The following NFATC1 variants were observed in gnomAD, a reference collection of about 807,000 sequenced individuals.
NFATC1 encodes the protein nuclear factor of activated T cells 1.
A neutral mutation model predicts 76.0 loss-of-function variants in NFATC1; 22 were observed. The ratio of observed to expected loss-of-function variants is 0.29; its 90% CI spans 0.21 to 0.41. The LOEUF is 0.41. NFATC1 is among the 10% of genes least tolerant of loss of function. The pLI is 1.00. For missense variants in NFATC1, 1,357 were observed against 1,337.7 expected (o/e 1.01, Z -0.23); for synonymous variants, 704 against 613.1 (o/e 1.15, Z -2.19).
chr18:79,419,983 C>A (rs2086016215), intron 2 of NFATC1, among the ~76,000 whole-genome samples: 1 of 152,230 alleles, frequency 6.6e-6, no homozygotes, highest in Admixed American at 6.5e-5. Flanking sequence ...TCTAGAACAT[C>A]TCTGGAAGCT....
intron 8 of NFATC1, chr18:79,470,495 G>C (rs1008294560): frequency 6.6e-6 from 1 of 152,242 alleles, no homozygotes; most frequent in African/African-American, 2.4e-5. Context: ...GTACATGTTT[G>C]TAAAGTCAAG....
intron 9 of NFATC1, among the ~76,000 whole-genome samples, chr18:79,506,799 T>C (rs902456927): frequency 6.6e-6 from 1 of 152,204 alleles, no homozygotes; most frequent in African/African-American, 2.4e-5. Flanking sequence ...GGCTTCTGGG[T>C]GGTTCTGTGT....
chr18:79,396,344 G>T lies in NFATC1; in HGVS notation c.120G>T (p.Ala40=). ...GCGCCGGCGGCACCATGAAGTCAGC[G>T]GAGGAAGGTAAGCCCCGCGCGGCCT... is the stretch of plus-strand genomic sequence containing the variant. ...APRAGGTMKS[A]EEEHYGYASS... The change falls in exon 1 of 10, where the codon GCG becomes GCT. Residue 40 remains alanine, a synonymous_variant. Transcript: ENST00000427363. 7.2e-7 allele frequency: 1 copy of T among 1,381,160 alleles called. No homozygotes were observed. Among genetic ancestry groups the T allele is most frequent in the Non-Finnish European group, 9.5e-7 (1 of 1,050,516 alleles). The allele number at this position is 1,381,160 out of a possible 1,614,324, so 85.6% of individuals were successfully genotyped here.
At chr18:79,434,866 T>C (rs1339195361) in intron 3 of NFATC1, among the ~76,000 whole-genome samples, 2 of 152,260 alleles carry the variant, frequency 1.3e-5, no homozygotes, top group Non-Finnish European at 2.9e-5. Flanking sequence ...ATGATGTTAA[T>C]GTGATGTTTG....
chr18:79,482,516 G>A lies in NFATC1; in HGVS notation c.2093-3732G>A, dbSNP rs1427530618. Among the ~76,000 whole-genome samples the A allele has an allele frequency of 1.7e-4, 22 of 133,166 alleles. 1 individual carries two copies. The highest frequency in any genetic ancestry group is 1.0e-3 in the South Asian group (4 of 3,958). The allele number at this position is 133,166 out of a possible 152,430, so 87.4% of individuals were successfully genotyped here. A position where few individuals can be genotyped will look rare whatever the true frequency, so the allele number is the denominator to read the frequency against. ...CTGTTTCCTGGGGTGTCATTCCAGCGTGACCTGGTCCTGGGGTGTCACTCC... is the reference window on the plus strand; with the variant it reads ...CTGTTTCCTGGGGTGTCATTCCAGCATGACCTGGTCCTGGGGTGTCACTCC... On this transcript the variant is annotated intron_variant, in intron 8 of 9. Coordinates refer to ENST00000427363, the MANE Select transcript of NFATC1 (RefSeq NM_001278669.2).
intron 1 of NFATC1, among the ~76,000 whole-genome samples, chr18:79,408,960 A>T: frequency 7.5e-6 from 1 of 132,760 alleles, no homozygotes. Context: ...TCATCCATCC[A>T]TCCATCATCA....
intron 1 of NFATC1, among the ~76,000 whole-genome samples, chr18:79,406,461 C>A (rs1337002291): frequency 6.6e-6 from 1 of 152,026 alleles, no homozygotes; most frequent in East Asian, 1.9e-4. Context: ...CCATCGTGTT[C>A]CCTCAGTTCC....
At chr18:79,402,351 A>G (rs1439116057) in intron 1 of NFATC1, 3 of 985,292 alleles carry the variant, frequency 3.0e-6, no homozygotes, top group Non-Finnish European at 3.6e-6. Flanking sequence ...GTCTCTCCTG[A>G]CCCAGAAGCA....
At chr18:79,505,833 G>T (rs11662548) in intron 9 of NFATC1, among the ~76,000 whole-genome samples, 154 of 133,278 alleles carry the variant, frequency 1.2e-3, no homozygotes, top group Non-Finnish European at 1.3e-3. Flanking sequence ...CCTTGGGTGA[G>T]GGAAGAGGCA....
In NFATC1 at chr18:79,505,931, C is replaced by T. The variant is rs545820754; in HGVS notation, c.2782+18994C>T. On this transcript the variant is annotated intron_variant, in intron 9 of 9. Transcript: ENST00000427363. ...CCGCTTTGTGGGAAGAGGTGGTGGA[C>T]GAGCCCCTTGGGTGATGGAAGTGTT... Among the ~76,000 whole-genome samples the T allele has an allele frequency of 1.1e-4, 16 of 150,986 alleles. No homozygotes were observed. In the South Asian group the frequency reaches 3.0e-3, roughly 28 times the overall value.
intron 2 of NFATC1, among the ~76,000 whole-genome samples, chr18:79,428,048 GATGACTGGCCT>G (rs2086459024): frequency 7.0e-6 from 1 of 142,794 alleles, no homozygotes; most frequent in Admixed American, 7.0e-5. Flanking sequence ...GCAGGCGCTG[GATGACTGGCCT>G]CTATGCAGTG....
chr18:79,476,533 G>A (rs916789443), intron 8 of NFATC1, among the ~76,000 whole-genome samples: 2 of 152,218 alleles, frequency 1.3e-5, no homozygotes, highest in African/African-American at 2.4e-5. Flanking sequence ...GCTTCCCCTC[G>A]CTGCCGTGCT....
intron 9 of NFATC1, among the ~76,000 whole-genome samples, chr18:79,495,683 C>T (rs567615580): frequency 5.3e-5 from 8 of 152,286 alleles, no homozygotes; most frequent in Non-Finnish European, 1.0e-4. Flanking sequence ...TGTTCAGCCG[C>T]GACTGCGCGT....
intron 3 of NFATC1, among the ~76,000 whole-genome samples, chr18:79,437,210 C>G (rs1279453141): frequency 1.3e-5 from 2 of 152,218 alleles, no homozygotes; most frequent in Non-Finnish European, 2.9e-5. Context: ...CAGTCCCGCC[C>G]CCTGTGCGTG....
At chr18:79,455,817 C>T (rs2087695743) in intron 6 of NFATC1, among the ~76,000 whole-genome samples, 1 of 151,084 alleles carries the variant, frequency 6.6e-6, no homozygotes, top group Non-Finnish European at 1.5e-5. Flanking sequence ...ATCCTCTGGC[C>T]CTGGATGTTA....
intron 6 of NFATC1, 41 bp downstream of exon 6, chr18:79,451,857 G>A (rs747414405): frequency 6.4e-7 from 1 of 1,572,858 alleles, no homozygotes; most frequent in Admixed American, 1.8e-5. Flanking sequence ...CTGGGCTTCG[G>A]CGCTGGTGGG....
Position 79,460,595 on chromosome 18 carries a change from G to A in NFATC1, c.1904-716G>A, listed in dbSNP as rs2088013271. On this transcript the variant is annotated intron_variant, in intron 6 of 9. Transcript: ENST00000427363. Reference sequence around the variant, plus strand: ...TTTTAAAAACATGCAAATGGCCACTGGGGAAATGCCAAAAATACCTCGTGT... The same window carrying A: ...TTTTAAAAACATGCAAATGGCCACTAGGGAAATGCCAAAAATACCTCGTGT... 2.0e-5 allele frequency among the ~76,000 whole-genome samples: 3 copies of A among 152,222 alleles called. No individual in the cohort carries two copies. In the South Asian group the frequency reaches 6.2e-4, roughly 32 times the overall value.
chr18:79,415,427 C>T (rs1047666449), intron 2 of NFATC1, among the ~76,000 whole-genome samples: 5 of 152,178 alleles, frequency 3.3e-5, no homozygotes, highest in South Asian at 2.1e-4. Context: ...GGCCTACAGG[C>T]GCCCACCACC....
intron 2 of NFATC1, among the ~76,000 whole-genome samples, chr18:79,420,413 A>G (rs1329422943): frequency 6.8e-6 from 1 of 146,634 alleles, no homozygotes; most frequent in East Asian, 2.1e-4. Flanking sequence ...GTCGCTGCAG[A>G]GGGGAAGAGG....
Sources: allele counts gnomAD v4.1 joint callset (sites outside exome capture counted in the v4.1 genomes callset), GRCh38; gene constraint gnomAD v4.1.1; transcripts MANE v1.5; gene names NCBI Gene and HGNC (gene_info 2026-07-23, HGNC 2026-07-21).